Variants in DYNC2I1 observed in about 807,000 individuals in gnomAD.
DYNC2I1 encodes cytoplasmic dynein 2 intermediate chain 1.
A neutral mutation model predicts 133.4 loss-of-function variants in DYNC2I1; 89 were observed. That is an observed-to-expected ratio of 0.67 (90% confidence interval 0.56 to 0.80). DYNC2I1 has a LOEUF of 0.80. DYNC2I1 is among the 30% of genes least tolerant of loss of function. The pLI, the probability that DYNC2I1 is intolerant of heterozygous loss-of-function variation, is 0.00. For missense variants in DYNC2I1, 1,291 were observed against 1,314.5 expected, an observed-to-expected ratio of 0.98 and a Z score of 0.28; for synonymous variants, 504 against 484.3, an observed-to-expected ratio of 1.04 and a Z score of -0.54.
intron 8 of DYNC2I1, among the ~76,000 whole-genome samples, chr7:158,894,124 C>CGCATATCCTACT (rs1428042990): frequency 8.6e-4 from 108 of 125,638 alleles, no homozygotes; most frequent in African/African-American, 2.9e-3. Context: ...CATATCCTAC[C>CGCATATCCTACT]GCATATCATA....
chr7:158,949,291 CT>C (rs533352556), downstream of DYNC2I1, among the ~76,000 whole-genome samples: 20 of 152,374 alleles, frequency 1.3e-4, no homozygotes, highest in South Asian at 4.1e-3. Flanking sequence ...CGGAAGTAGG[CT>C]TTTTAAAATA....
chr7:158,942,207 C>T, intron 24 of DYNC2I1, 59 bp downstream of exon 24: 1 of 1,342,130 alleles, frequency 7.5e-7, no homozygotes, highest in Non-Finnish European at 1.0e-6. Context: ...CCACGGGTGC[C>T]ACTTACGGTC....
intron 4 of DYNC2I1, among the ~76,000 whole-genome samples, chr7:158,953,992 C>T (rs1465076694): frequency 6.6e-6 from 1 of 152,150 alleles, no homozygotes; most frequent in Non-Finnish European, 1.5e-5. Context: ...CCTGTAATCC[C>T]CACGTGTTTT....
At chr7:158,958,130 C>T (rs901400826), downstream of DYNC2I1, among the ~76,000 whole-genome samples, 3 of 150,120 alleles carry the variant, frequency 2.0e-5, no homozygotes, top group Non-Finnish European at 4.5e-5. Context: ...GCCCGTCAGC[C>T]ACAGACACGC....
At chr7:158,839,819 CAA>C in the DYNC2I1 span, among the ~76,000 whole-genome samples, 4 of 141,154 alleles carry the variant, frequency 2.8e-5, no homozygotes, top group African/African-American at 5.1e-5. Context: ...GACTCCGTCT[CAA>C]AAAAAAAAAA....
upstream of DYNC2I1, among the ~76,000 whole-genome samples, chr7:158,854,607 G>T (rs553732157): frequency 6.6e-6 from 1 of 152,056 alleles, no homozygotes; most frequent in East Asian, 1.9e-4. Context: ...AAACCTGCAC[G>T]TTCTGCACAT....
downstream of DYNC2I1, among the ~76,000 whole-genome samples, chr7:158,949,367 A>C (rs1224523839): frequency 1.3e-5 from 2 of 152,242 alleles, no homozygotes; most frequent in Admixed American, 6.5e-5. Context: ...AGCTGAGCTG[A>C]TCTGTCCTGG....
the DYNC2I1 span, among the ~76,000 whole-genome samples, chr7:158,841,158 AATATATATATATATATATATATATAT>A: frequency 0.2 from 13,494 of 66,354 alleles, 2,108 homozygotes; most frequent in Middle Eastern, 0.32. Flanking sequence ...TAGGTCTGCA[AATATATATATATATATATATATATAT>A]ATATATATAT....
upstream of DYNC2I1, among the ~76,000 whole-genome samples, chr7:158,851,594 T>C (rs991790241): frequency 1.3e-4 from 20 of 152,304 alleles, 1 homozygote; most frequent in African/African-American, 4.8e-4. Context: ...ATATAGTCAA[T>C]TGGTTCTTGC....
intron 11 of DYNC2I1, among the ~76,000 whole-genome samples, chr7:158,911,018 A>C (rs1847407608): frequency 6.6e-6 from 1 of 152,012 alleles, no homozygotes; most frequent in Non-Finnish European, 1.5e-5. Context: ...CCGTGGGCCG[A>C]GGGCGATTGG....
At chr7:158,882,875 CA>C (rs71200076) in intron 5 of DYNC2I1, among the ~76,000 whole-genome samples, 26,120 of 108,352 alleles carry the variant, frequency 0.24, 2,989 homozygotes, top group East Asian at 0.63. Context: ...GCCTTTGTCT[CA>C]AAAAAAAAAA....
intron 9 of DYNC2I1, among the ~76,000 whole-genome samples, 162 bp downstream of exon 9, chr7:158,901,978 G>GCT (rs1271099854): frequency 1.3e-5 from 2 of 152,118 alleles, no homozygotes; most frequent in Non-Finnish European, 2.9e-5. Flanking sequence ...TAAAATGCTT[G>GCT]CTATACTTCT....
intron 14 of DYNC2I1, among the ~76,000 whole-genome samples, chr7:158,915,393 T>C: frequency 8.0e-6 from 1 of 125,022 alleles, no homozygotes; most frequent in Non-Finnish European, 1.9e-5. Context: ...GTCGACATGC[T>C]GGTTGACATT....
chr7:158,848,816 T>C, the DYNC2I1 span, among the ~76,000 whole-genome samples: 50 of 151,900 alleles, frequency 3.3e-4, no homozygotes, highest in African/African-American at 1.1e-3. Context: ...CCCAGCTACT[T>C]GGGAGGCTGA....
rs373063403 is a variant in DYNC2I1, at chr7:158,926,399, C to T, written c.2372-3C>T. On this transcript the variant is annotated splice_polypyrimidine_tract_variant and splice_region_variant and intron_variant, in intron 18 of 24. Coordinates refer to ENST00000407559, the MANE Select transcript of DYNC2I1 (RefSeq NM_018051.5). Reference sequence around the variant, plus strand: ...TCTTTCTTTTTGTTTCTGTCTTCATCAGAAATGTCAGGTTTGTCCTTCCAC... The same window carrying T: ...TCTTTCTTTTTGTTTCTGTCTTCATTAGAAATGTCAGGTTTGTCCTTCCAC... 5.2e-5 allele frequency: 84 copies of T among 1,612,084 alleles called. No individual in the cohort carries two copies. The highest frequency in any genetic ancestry group is 1.8e-5 in the Non-Finnish European group (21 of 1,179,022).
intron 22 of DYNC2I1, 66 bp from the exon 23 acceptor site, chr7:158,934,351 AC>A: frequency 1.3e-6 from 2 of 1,559,154 alleles, no homozygotes; most frequent in Non-Finnish European, 1.7e-6. Flanking sequence ...TGTTTGAGGA[AC>A]AGTAGCTGTA....
At chr7:158,860,934 G>A (rs1033883477) in intron 1 of DYNC2I1, among the ~76,000 whole-genome samples, 11 of 152,178 alleles carry the variant, frequency 7.2e-5, no homozygotes, top group Non-Finnish European at 1.5e-4. Context: ...TCACCAATCC[G>A]CTTGTGGGGT....
At chr7:158,852,415 C>G (rs141668328), upstream of DYNC2I1, among the ~76,000 whole-genome samples, 1 of 151,676 alleles carries the variant, frequency 6.6e-6, no homozygotes, top group South Asian at 2.1e-4. Flanking sequence ...CCACCGCGCC[C>G]GGCCTGTAAG....
intron 14 of DYNC2I1, among the ~76,000 whole-genome samples, chr7:158,915,948 C>T (rs1474613107): frequency 2.1e-5 from 3 of 145,408 alleles, no homozygotes; most frequent in Admixed American, 6.8e-5. Flanking sequence ...GATTGTGAAA[C>T]GTTGACACAG....
Sources: allele counts gnomAD v4.1 joint callset (sites outside exome capture counted in the v4.1 genomes callset), GRCh38; gene constraint gnomAD v4.1.1; transcripts MANE v1.5; gene names NCBI Gene and HGNC (gene_info 2026-07-23, HGNC 2026-07-21).